GALC: variants seen among roughly 807,000 people sequenced by gnomAD.
GALC encodes the protein galactocerebrosidase.
A neutral mutation model predicts 91.8 loss-of-function variants in GALC; 77 were observed. The observed-to-expected ratio is 0.84, with a 90% CI of 0.70 to 1.01. GALC has a LOEUF of 1.01. Ranked by LOEUF, GALC falls within the 50% of genes least tolerant of loss-of-function variation. The probability of loss-of-function intolerance (pLI) is 0.00; values close to 1 mark genes in which losing one functional copy is unlikely to be tolerated. For missense variants in GALC, 882 were observed against 855.9 expected, an observed-to-expected ratio of 1.03 and a Z score of -0.38; for synonymous variants, 357 against 306.7, an observed-to-expected ratio of 1.16 and a Z score of -1.71.
chr14:87,952,584 G>T, intron 10 of GALC: 1 of 1,268,358 alleles, frequency 7.9e-7, no homozygotes. Flanking sequence ...AATGTCCGTT[G>T]CTGACCCCCG....
At chr14:87,953,840 T>C in intron 10 of GALC, 1 of 1,609,850 alleles carries the variant, frequency 6.2e-7, no homozygotes, top group Non-Finnish European at 8.5e-7. Flanking sequence ...TGGTGCTATC[T>C]CCATGTCATG....
intron 8 of GALC, among the ~76,000 whole-genome samples, chr14:87,966,594 T>C (rs1886064539): frequency 6.6e-6 from 1 of 152,196 alleles, no homozygotes; most frequent in African/African-American, 2.4e-5. Context: ...CAAAACACCT[T>C]ACTACTAGTG....
At chr14:87,949,575 G>A (rs1032761410) in intron 12 of GALC, among the ~76,000 whole-genome samples, 11 of 151,924 alleles carry the variant, frequency 7.2e-5, no homozygotes, top group Admixed American at 1.3e-4. Flanking sequence ...AGAGAAATGT[G>A]TGGATACAAC....
intron 10 of GALC, among the ~76,000 whole-genome samples, chr14:87,956,593 TACACACACACAC>T (rs56760246): frequency 3.6e-5 from 5 of 139,188 alleles, no homozygotes; most frequent in Non-Finnish European, 6.1e-5. Flanking sequence ...ACCATATATA[TACACACACACAC>T]ACACACACAC....
At chr14:87,983,105 C>T (rs1470398215) in intron 5 of GALC, among the ~76,000 whole-genome samples, 2 of 151,854 alleles carry the variant, frequency 1.3e-5, no homozygotes, top group Admixed American at 1.3e-4. Context: ...TTTGGGAGGC[C>T]GAGGCGGGCG....
At chr14:87,984,200 T>C (rs914836722) in intron 5 of GALC, among the ~76,000 whole-genome samples, 194 bp downstream of exon 5, 1 of 148,666 alleles carries the variant, frequency 6.7e-6, no homozygotes, top group Non-Finnish European at 1.5e-5. Flanking sequence ...TTTTCAAAAG[T>C]GGGAACACTG....
Position 87,934,776 on chromosome 14 carries a change from C to G in GALC, c.2014G>C (p.Glu672Gln), listed in dbSNP as rs776674605. Residue 672 changes from glutamate to glutamine, a missense_variant, in exon 17 of 17, where the codon GAA (glutamate) becomes CAA (glutamine). Coordinates refer to ENST00000261304, the MANE Select transcript of GALC (RefSeq NM_000153.4). Reference sequence around the variant, plus strand: ...AGAAAGTTGTCAAACTGTGCAAATTCAAAGGAGTGAGTTCCAATTGCAGCC... The same window carrying G: ...AGAAAGTTGTCAAACTGTGCAAATTGAAAGGAGTGAGTTCCAATTGCAGCC... ...GWAAIGTHSFEFAQFDNFLVE... is the reference protein window; with the variant it reads ...GWAAIGTHSFQFAQFDNFLVE... 7 of 1,613,054 alleles carry G rather than the reference C, an allele frequency of 4.3e-6. No homozygotes were observed. The East Asian group carries it at 1.1e-4, about 26-fold the overall frequency.
intron 10 of GALC, among the ~76,000 whole-genome samples, chr14:87,961,787 G>A (rs558694672): frequency 8.6e-4 from 131 of 152,238 alleles, no homozygotes; most frequent in Non-Finnish European, 1.2e-3. Flanking sequence ...CAAAAAGGTG[G>A]CAGAAAGGTT....
At chr14:87,972,681 C>G (rs761202314) in intron 7 of GALC, among the ~76,000 whole-genome samples, 6 of 151,866 alleles carry the variant, frequency 4.0e-5, no homozygotes, top group Non-Finnish European at 8.8e-5. Context: ...CTAGAAGGAA[C>G]ATAAGACAGA....
chr14:87,987,062 T>C (rs1395270634), intron 3 of GALC: 1 of 454,616 alleles, frequency 2.2e-6, no homozygotes, highest in African/African-American at 2.0e-5. Context: ...TATGTCTTGA[T>C]ATAGGAAGAG....
At chr14:87,976,323 G>C (rs751340072) in intron 7 of GALC, 35 bp downstream of exon 7, 4 of 1,611,924 alleles carry the variant, frequency 2.5e-6, no homozygotes, top group Admixed American at 1.7e-5. Context: ...CAAGCAATCA[G>C]AAACTGCTAG....
chr14:87,950,027 A>G, intron 11 of GALC, 96 bp from the exon 12 acceptor site: 2 of 709,184 alleles, frequency 2.8e-6, no homozygotes, highest in Non-Finnish European at 5.2e-6. Context: ...ACCAATGACA[A>G]TATTATCTCT....
chr14:87,943,132 G>GTA (rs1293694027), intron 14 of GALC, among the ~76,000 whole-genome samples: 2 of 151,982 alleles, frequency 1.3e-5, no homozygotes, highest in Non-Finnish European at 2.9e-5. Flanking sequence ...TGAATGAAAT[G>GTA]GAATAAAAGT....
At chr14:87,939,556 G>A (rs943034324) in intron 16 of GALC, among the ~76,000 whole-genome samples, 3 of 151,562 alleles carry the variant, frequency 2.0e-5, no homozygotes, top group Non-Finnish European at 2.9e-5. Context: ...AAAAATAAAT[G>A]CATATGGCTT....
rs770807058 is a variant in GALC at position 87,993,071 on chromosome 14, G to C, written c.94C>G (p.Leu32Val). The C allele has an allele frequency of 1.9e-6, 3 of 1,578,624 alleles. No homozygotes were observed. Among genetic ancestry groups the C allele is most frequent in the Non-Finnish European group, 2.6e-6 (3 of 1,163,226 alleles). The change falls in exon 1 of 17, where the codon CTG becomes GTG. Residue 32 changes from leucine to valine, a missense_variant. Transcript: ENST00000261304. ...CCGGGCGCCAGCAGCGCACACAGCAGCAAGGGCACCGCGGCGCGGCCCGCC... is the reference window on the plus strand; with the variant it reads ...CCGGGCGCCAGCAGCGCACACAGCACCAAGGGCACCGCGGCGCGGCCCGCC... ...GSAGRAAVPL[L>V]LCALLAPGGA...
intron 16 of GALC, among the ~76,000 whole-genome samples, chr14:87,936,920 A>ATATATATATATATATATATATT (rs1257801348): frequency 7.1e-6 from 1 of 141,396 alleles, no homozygotes; most frequent in African/African-American, 2.7e-5. Flanking sequence ...ATATTTATTT[A>ATATATATATATATATATATATT]TTTTCTCATT....
In GALC at chr14:87,939,950, A is replaced by C; in HGVS notation, c.1866T>G (p.Val622=). Residue 622 remains valine (V), a synonymous_variant, in exon 16 of 17, where the codon GTT becomes GTG. Coordinates refer to ENST00000261304, the MANE Select transcript of GALC (RefSeq NM_000153.4). ...TATACCATTTTTTTGCTGTAACTTC[A>C]ACACGTCCTAAAGCATATATAATCC... The part of the protein sequence containing the change: ...AGWIIYALGR[V]EVTAKKWYTL... 1.2e-6 allele frequency: 2 copies of C among 1,610,892 alleles called. No homozygotes were observed. Among genetic ancestry groups the C allele is most frequent in the East Asian group, 2.2e-5 (1 of 44,806 alleles).
rs751283440 is a variant in GALC at position 87,941,465 on chromosome 14, CA to C, written c.1763del (p.Leu588Ter). ...AGAAAATTCCTCTGGCACTTCTAAT[CA>C]AAATACCACCTTTATTTACTCTTCC... ...IAGRVNKGGI[L>X]IRSARGIFFW... On this transcript the variant is annotated frameshift_variant, in exon 15 of 17. Transcript: ENST00000261304. LOFTEE classifies it high-confidence loss of function. The C allele has an allele frequency of 6.2e-7, 1 of 1,607,820 alleles. No individual in the cohort carries two copies. The highest frequency in any genetic ancestry group is 1.3e-5 in the African/African-American group (1 of 74,686).
Position 87,933,078 on chromosome 14 carries a change from T to C in GALC, c.*1654A>G, listed in dbSNP as rs1251001661. 2 of 152,138 alleles carry C rather than the reference T, an allele frequency of 1.3e-5. No homozygotes were observed. Among genetic ancestry groups the C allele is most frequent in the African/African-American group, 2.4e-5 (1 of 41,434 alleles). 9.4% of individuals were successfully genotyped at this position (152,138 alleles called of 1,614,324 possible). ...GGTGGGGAGGAAACAAATTGTGGTA[T>C]ATTCATACAATGGAAAACTCTTCAG... On this transcript the variant is annotated 3_prime_UTR_variant, in exon 17 of 17. Transcript: ENST00000261304.
Sources: gnomAD v4.1 joint callset for allele counts (sites outside exome capture counted in the v4.1 genomes callset) on GRCh38, gnomAD v4.1.1 for gene constraint, MANE v1.5 for transcripts, NCBI Gene and HGNC (gene_info 2026-07-23, HGNC 2026-07-21) for gene names.